Variants in ZCCHC17 observed in about 807,000 individuals in gnomAD.
ZCCHC17 encodes zinc finger CCHC-type containing 17.
In ZCCHC17, 18 loss-of-function variants were observed where a neutral mutation model predicts 30.6. That is an observed-to-expected ratio of 0.59 (90% CI 0.41 to 0.87). The LOEUF is 0.87. Among genes scored for constraint, ZCCHC17 ranks in the 40% least tolerant of loss-of-function variants. The pLI, the probability that ZCCHC17 is intolerant of heterozygous loss-of-function variation, is 0.00. For synonymous variants in ZCCHC17, 88 were observed against 92.4 expected (o/e 0.95, Z 0.27); for missense variants, 263 against 284.2 (o/e 0.93, Z 0.54).
At chr1:31,350,086 T>C (rs992010037) in intron 7 of ZCCHC17, among the ~76,000 whole-genome samples, 2 of 152,236 alleles carry the variant, frequency 1.3e-5, no homozygotes, top group Admixed American at 1.3e-4. Flanking sequence ...ACAGATATTA[T>C]TGTGGTCCAG....
chr1:31,309,797 A>C (rs1351043849), intron 1 of ZCCHC17, among the ~76,000 whole-genome samples: 1 of 152,148 alleles, frequency 6.6e-6, no homozygotes, highest in Non-Finnish European at 1.5e-5. Context: ...CAAAAATAGC[A>C]ATTTAAAAAA....
At chr1:31,305,226 C>T (rs1166610090) in intron 1 of ZCCHC17, among the ~76,000 whole-genome samples, 1 of 152,092 alleles carries the variant, frequency 6.6e-6, no homozygotes, top group East Asian at 1.9e-4. Flanking sequence ...TAGAGGCAGC[C>T]TCACTGGTCT....
At chr1:31,307,775 G>A (rs922314255) in intron 1 of ZCCHC17, among the ~76,000 whole-genome samples, 7 of 151,864 alleles carry the variant, frequency 4.6e-5, no homozygotes, top group African/African-American at 1.5e-4. Flanking sequence ...GGGTTTCACC[G>A]TGTTGGCCAG....
At chr1:31,300,176 C>T (rs1646274975) in intron 1 of ZCCHC17, among the ~76,000 whole-genome samples, 1 of 152,208 alleles carries the variant, frequency 6.6e-6, no homozygotes, top group African/African-American at 2.4e-5. Flanking sequence ...CCTCCCACCT[C>T]AGCCTCTCCA....
intron 2 of ZCCHC17, among the ~76,000 whole-genome samples, chr1:31,315,227 A>G (rs1010497703): frequency 1.3e-5 from 2 of 152,150 alleles, no homozygotes; most frequent in African/African-American, 2.4e-5. Context: ...TCTTTATTTC[A>G]TAGTACCTGA....
At chr1:31,345,971 T>C (rs1639255826) in intron 5 of ZCCHC17, among the ~76,000 whole-genome samples, 1 of 152,044 alleles carries the variant, frequency 6.6e-6, no homozygotes, top group East Asian at 1.9e-4. Flanking sequence ...AACATATATA[T>C]TATATTTTGG....
intron 7 of ZCCHC17, among the ~76,000 whole-genome samples, chr1:31,349,707 T>C (rs1481368715): frequency 6.6e-6 from 1 of 152,258 alleles, no homozygotes; most frequent in East Asian, 1.9e-4. Context: ...GTGGTCATAC[T>C]AGCTATAGTT....
In ZCCHC17 at chr1:31,324,435, G is replaced by A. The variant is rs1167462607; in HGVS notation, c.124+5269G>A. Among the ~76,000 whole-genome samples, 7 of 152,302 alleles carry A rather than the reference G, an allele frequency of 4.6e-5. No individual in the cohort carries two copies. The East Asian group carries it at 1.4e-3, about 29-fold the overall frequency. Reference sequence around the variant, plus strand: ...CCCCTTATGAGTTAGTGGGGTGGGAGCCCACCCTCATGGGTGCAGCTGCCG... The same window carrying A: ...CCCCTTATGAGTTAGTGGGGTGGGAACCCACCCTCATGGGTGCAGCTGCCG... On this transcript the variant is annotated intron_variant, in intron 3 of 7. Coordinates refer to ENST00000344147, the MANE Select transcript of ZCCHC17 (RefSeq NM_016505.4).
At chr1:31,310,325 G>C (rs1056727114) in intron 2 of ZCCHC17, among the ~76,000 whole-genome samples, 161 bp downstream of exon 2, 8 of 152,330 alleles carry the variant, frequency 5.3e-5, no homozygotes, top group South Asian at 4.1e-4. Context: ...CCTTCTCTAA[G>C]CTCCAGATAT....
At chr1:31,302,333 CCT>C (rs1368012758) in intron 1 of ZCCHC17, among the ~76,000 whole-genome samples, 11 of 152,266 alleles carry the variant, frequency 7.2e-5, no homozygotes, top group Non-Finnish European at 2.9e-5. Flanking sequence ...TGTGTTCCCC[CCT>C]CTTTCTCTAC....
chr1:31,346,944 A>G lies in ZCCHC17; in HGVS notation c.418+204A>G, dbSNP rs1415616355. On this transcript the variant is annotated intron_variant, in intron 6 of 7. Coordinates refer to ENST00000344147, the MANE Select transcript of ZCCHC17 (RefSeq NM_016505.4). ...CTTTTCTGAGTGCTGGCCCTACCAG[A>G]TACTATACCACTACCACCACTCCTC... 45 of 1,140,354 alleles carry G rather than the reference A, an allele frequency of 3.9e-5. No homozygotes were observed. In the East Asian group the frequency reaches 1.2e-3, roughly 30 times the overall value. The allele number at this position is 1,140,354 out of a possible 1,614,324, so 70.6% of individuals were successfully genotyped here. A position where few individuals can be genotyped will look rare whatever the true frequency, so the allele number is the denominator to read the frequency against.
intron 6 of ZCCHC17, among the ~76,000 whole-genome samples, chr1:31,347,240 C>T: frequency 6.6e-6 from 1 of 152,120 alleles, no homozygotes; most frequent in East Asian, 1.9e-4. Flanking sequence ...GCTCTATTTC[C>T]TCAGGTTTCC....
intron 2 of ZCCHC17, among the ~76,000 whole-genome samples, chr1:31,315,554 C>T (rs1042646273): frequency 3.3e-5 from 5 of 151,946 alleles, no homozygotes; most frequent in Non-Finnish European, 7.4e-5. Context: ...TTGGTAAGGT[C>T]GAAATAGCAT....
intron 7 of ZCCHC17, among the ~76,000 whole-genome samples, chr1:31,363,621 A>G (rs1048514865): frequency 6.6e-6 from 1 of 152,040 alleles, no homozygotes. Context: ...GAGAAACCCA[A>G]CTCCATAAAA....
At chr1:31,327,627 C>A (rs923432800) in intron 3 of ZCCHC17, among the ~76,000 whole-genome samples, 1 of 152,178 alleles carries the variant, frequency 6.6e-6, no homozygotes, top group Non-Finnish European at 1.5e-5. Flanking sequence ...CGCTACCCAC[C>A]CATTAGTCCC....
intron 5 of ZCCHC17, among the ~76,000 whole-genome samples, chr1:31,345,843 TG>T (rs906627220): frequency 5.9e-5 from 9 of 151,534 alleles, no homozygotes; most frequent in African/African-American, 1.9e-4. Context: ...CACTATCACA[TG>T]GGGGAAATCC....
chr1:31,337,799 G>A (rs1638879684), intron 4 of ZCCHC17, among the ~76,000 whole-genome samples: 1 of 152,142 alleles, frequency 6.6e-6, no homozygotes. Context: ...AGAAATAAGA[G>A]CATACACTGA....
chr1:31,331,011 A>G (rs568317970), intron 3 of ZCCHC17, among the ~76,000 whole-genome samples: 2 of 152,374 alleles, frequency 1.3e-5, no homozygotes, highest in African/African-American at 4.8e-5. Context: ...GTAATTGCCT[A>G]TAAAACAGAC....
intron 7 of ZCCHC17, among the ~76,000 whole-genome samples, chr1:31,363,428 C>A (rs1046059059): frequency 1.3e-5 from 2 of 152,188 alleles, no homozygotes; most frequent in African/African-American, 4.8e-5. Context: ...CGTGATCCAC[C>A]TGCCTCGGCC....
Sources: allele counts gnomAD v4.1 joint callset (sites outside exome capture counted in the v4.1 genomes callset), GRCh38; gene constraint gnomAD v4.1.1; transcripts MANE v1.5; gene names NCBI Gene and HGNC (gene_info 2026-07-23, HGNC 2026-07-21).